PTPRK: variants seen among roughly 807,000 people sequenced by gnomAD.
PTPRK encodes the protein receptor-type tyrosine-protein phosphatase kappa.
Under a neutral mutation model 178.0 loss-of-function variants are expected in PTPRK, and 75 were observed. The observed-to-expected ratio is 0.42, with a 90% confidence interval of 0.35 to 0.51. PTPRK has a LOEUF of 0.51. Ranked by LOEUF, PTPRK falls within the 20% of genes least tolerant of loss-of-function variation. The probability of loss-of-function intolerance (pLI) is 0.02; values close to 1 mark genes in which losing one functional copy is unlikely to be tolerated. For synonymous variants in PTPRK, 637 were observed against 620.6 expected, an observed-to-expected ratio of 1.03 and a Z score of -0.39; for missense variants, 1,441 against 1,797.8, an observed-to-expected ratio of 0.80 and a Z score of 3.59.
chr6:128,033,087 T>C (rs181026251), intron 13 of PTPRK, among the ~76,000 whole-genome samples: 210 of 152,264 alleles, frequency 1.4e-3, no homozygotes, highest in Non-Finnish European at 2.3e-3. Flanking sequence ...TTGGTAGGGA[T>C]AGATGTAGGA....
At chr6:128,440,429 A>T (rs1846131206) in intron 1 of PTPRK, among the ~76,000 whole-genome samples, 1 of 152,216 alleles carries the variant, frequency 6.6e-6, no homozygotes, top group Non-Finnish European at 1.5e-5. Flanking sequence ...GAAACAATGC[A>T]ATTAACTCAT....
chr6:128,429,855 A>C (rs1844599643), intron 1 of PTPRK, among the ~76,000 whole-genome samples: 1 of 152,216 alleles, frequency 6.6e-6, no homozygotes, highest in Non-Finnish European at 1.5e-5. Flanking sequence ...AGAGAACATC[A>C]ACCATAATGA....
intron 1 of PTPRK, among the ~76,000 whole-genome samples, chr6:128,489,594 AT>A (rs1251699067): frequency 6.6e-6 from 1 of 152,182 alleles, no homozygotes; most frequent in Non-Finnish European, 1.5e-5. Context: ...ATAAAATCTA[AT>A]TTTATTCTTT....
chr6:128,438,572 TA>T (rs1264153396), intron 1 of PTPRK, among the ~76,000 whole-genome samples: 1 of 152,248 alleles, frequency 6.6e-6, no homozygotes, highest in Admixed American at 6.5e-5. Flanking sequence ...GCCTTCATCT[TA>T]CCTCTTTTGA....
chr6:128,440,195 A>T (rs970103364), intron 1 of PTPRK, among the ~76,000 whole-genome samples: 1 of 152,172 alleles, frequency 6.6e-6, no homozygotes, highest in Admixed American at 6.5e-5. Context: ...ATTTACCCAG[A>T]GACAACTGTG....
chr6:128,076,260 T>C (rs1783787984), intron 11 of PTPRK, among the ~76,000 whole-genome samples: 2 of 151,972 alleles, frequency 1.3e-5, no homozygotes, highest in African/African-American at 2.4e-5. Flanking sequence ...AGGCACTGGA[T>C]CAGATAAGCC....
intron 13 of PTPRK, 41 bp downstream of exon 13, chr6:128,064,717 G>C (rs369315684): frequency 1.2e-4 from 182 of 1,570,274 alleles, no homozygotes; most frequent in Non-Finnish European, 1.4e-4. Flanking sequence ...TAGAAAGGGG[G>C]TGAGAGTAGT....
chr6:128,163,686 C>A (rs1798995588), intron 7 of PTPRK, among the ~76,000 whole-genome samples: 1 of 151,416 alleles, frequency 6.6e-6, no homozygotes, highest in Non-Finnish European at 1.5e-5. Context: ...AGAATTCCAA[C>A]AGAAACTATA....
chr6:128,122,675 C>T (rs1475247137), intron 7 of PTPRK, among the ~76,000 whole-genome samples: 1 of 152,174 alleles, frequency 6.6e-6, no homozygotes, highest in Non-Finnish European at 1.5e-5. Flanking sequence ...CAAGTTTCTT[C>T]ACTACTCAGT....
chr6:128,174,421 T>C (rs903301737), intron 7 of PTPRK, among the ~76,000 whole-genome samples: 2 of 151,862 alleles, frequency 1.3e-5, no homozygotes, highest in African/African-American at 4.8e-5. Flanking sequence ...GATCATTATA[T>C]AGTGTTTCCA....
chr6:128,168,844 C>G (rs755351342), intron 7 of PTPRK, among the ~76,000 whole-genome samples: 3 of 152,006 alleles, frequency 2.0e-5, no homozygotes, highest in Non-Finnish European at 4.4e-5. Context: ...AAGCTAAATG[C>G]CCATCAGTGG....
At chr6:128,249,311 A>C (rs1424583540) in intron 3 of PTPRK, among the ~76,000 whole-genome samples, 6 of 150,500 alleles carry the variant, frequency 4.0e-5, no homozygotes, top group Non-Finnish European at 7.4e-5. Flanking sequence ...AAAAAAAAAA[A>C]AACAGTATTT....
At chr6:128,245,768 C>T (rs750438490) in intron 3 of PTPRK, among the ~76,000 whole-genome samples, 1 of 152,118 alleles carries the variant, frequency 6.6e-6, no homozygotes. Flanking sequence ...TTTGTAAATA[C>T]TGGAACAAGG....
chr6:128,122,245 G>A (rs1159788804), intron 7 of PTPRK, among the ~76,000 whole-genome samples: 1 of 152,138 alleles, frequency 6.6e-6, no homozygotes, highest in African/African-American at 2.4e-5. Flanking sequence ...TAGCACATGT[G>A]TGCATGTATA....
At chr6:128,385,530 G>T (rs1035428876) in intron 2 of PTPRK, among the ~76,000 whole-genome samples, 1 of 152,108 alleles carries the variant, frequency 6.6e-6, no homozygotes, top group African/African-American at 2.4e-5. Flanking sequence ...ATACAGTCAT[G>T]TCCATATATT....
intron 2 of PTPRK, among the ~76,000 whole-genome samples, chr6:128,332,835 A>T (rs1305187822): frequency 6.6e-6 from 1 of 152,120 alleles, no homozygotes; most frequent in Non-Finnish European, 1.5e-5. Flanking sequence ...GTAAATTTAA[A>T]GTATTGTTGC....
intron 1 of PTPRK, among the ~76,000 whole-genome samples, chr6:128,476,133 C>A (rs1387979191): frequency 1.3e-5 from 2 of 152,044 alleles, no homozygotes; most frequent in Admixed American, 1.3e-4. Context: ...CCAAGAACTA[C>A]ACTCTCACCC....
chr6:128,234,196 T>A (rs927162412), intron 5 of PTPRK, among the ~76,000 whole-genome samples: 1 of 152,236 alleles, frequency 6.6e-6, no homozygotes, highest in Non-Finnish European at 1.5e-5. Context: ...TACCTTTGAA[T>A]GTAATCAAAT....
intron 7 of PTPRK, among the ~76,000 whole-genome samples, chr6:128,145,128 C>T (rs745538371): frequency 2.0e-5 from 3 of 152,124 alleles, no homozygotes; most frequent in Non-Finnish European, 4.4e-5. Context: ...ACAGAAGAAA[C>T]TCCTAATGAA....
Sources: gnomAD v4.1 joint callset for allele counts (sites outside exome capture counted in the v4.1 genomes callset) on GRCh38, gnomAD v4.1.1 for gene constraint, MANE v1.5 for transcripts, NCBI Gene and HGNC (gene_info 2026-07-23, HGNC 2026-07-21) for gene names.